PRSS55: variants seen among roughly 807,000 people sequenced by gnomAD.
PRSS55 encodes serine protease 55.
In PRSS55, 41 loss-of-function variants were observed where a neutral mutation model predicts 23.6. That is an observed-to-expected ratio of 1.74 (90% CI 1.35 to 2.26). The LOEUF (loss-of-function observed/expected upper bound fraction) is 2.26, where lower values mean the gene tolerates loss of function less well. Ranked by LOEUF, PRSS55 falls within the 30% of genes most tolerant of loss-of-function variation. The pLI is 0.00. For synonymous variants in PRSS55, 262 were observed against 175.5 expected, an observed-to-expected ratio of 1.49 and a Z score of -3.90; for missense variants, 669 against 439.1, an observed-to-expected ratio of 1.52 and a Z score of -4.68.
At chr8:10,542,419 G>GGAAAGAA (rs60800512), downstream of PRSS55, among the ~76,000 whole-genome samples, 3 of 133,504 alleles carry the variant, frequency 2.2e-5, no homozygotes, top group Non-Finnish European at 3.1e-5. Flanking sequence ...CCATGCGGGG[G>GGAAAGAA]AAAAAAAAAA....
chr8:10,535,868 C>G (rs1213401888), intron 4 of PRSS55, among the ~76,000 whole-genome samples: 2 of 152,092 alleles, frequency 1.3e-5, no homozygotes, highest in African/African-American at 4.8e-5. Flanking sequence ...ACTCAACAAG[C>G]AAAAACTAAA....
chr8:10,544,897 T>A, intron 4 of PRSS55: 1 of 527,688 alleles, frequency 1.9e-6, no homozygotes, highest in Non-Finnish European at 2.4e-6. Context: ...TTATTTAACT[T>A]TATGTCTCAT....
intron 2 of PRSS55, among the ~76,000 whole-genome samples, chr8:10,530,760 G>C (rs1812222872): frequency 6.6e-6 from 1 of 152,176 alleles, no homozygotes; most frequent in Non-Finnish European, 1.5e-5. Flanking sequence ...CATAACCACA[G>C]ACCTTTGTGG....
chr8:10,540,785 G>C (rs945510401), downstream of PRSS55: 1 of 152,174 alleles, frequency 6.6e-6, no homozygotes, highest in Non-Finnish European at 1.5e-5. Context: ...CTCCTCCAGA[G>C]GTCCTACAGC....
intron 4 of PRSS55, chr8:10,545,251 G>A (rs572402028): frequency 2.6e-5 from 4 of 152,070 alleles, no homozygotes; most frequent in African/African-American, 9.7e-5. Context: ...AGGCTGGAGG[G>A]GAATAGTGCA....
intron 4 of PRSS55, among the ~76,000 whole-genome samples, chr8:10,548,909 G>C (rs1019777915): frequency 6.6e-6 from 1 of 152,166 alleles, no homozygotes; most frequent in Non-Finnish European, 1.5e-5. Context: ...AGAGATCAAA[G>C]TCAAAAGCAG....
intron 1 of PRSS55, among the ~76,000 whole-genome samples, chr8:10,529,186 C>T (rs572578465): frequency 6.6e-6 from 1 of 152,232 alleles, no homozygotes; most frequent in Admixed American, 6.5e-5. Flanking sequence ...TAGCCTTGGA[C>T]ACTGTTTTCT....
chr8:10,546,415 G>A (rs1812819085), intron 4 of PRSS55, among the ~76,000 whole-genome samples: 1 of 152,114 alleles, frequency 6.6e-6, no homozygotes, highest in Non-Finnish European at 1.5e-5. Flanking sequence ...ATCCCTCCCT[G>A]CAACAGGATC....
intron 4 of PRSS55, chr8:10,545,104 T>G (rs1812783824): frequency 1.8e-6 from 1 of 563,444 alleles, no homozygotes; most frequent in Admixed American, 6.3e-5. Flanking sequence ...GCTTCGAAAT[T>G]TCCAACTTAT....
chr8:10,533,783 G>A (rs4841370), intron 4 of PRSS55, among the ~76,000 whole-genome samples: 27,173 of 152,104 alleles, frequency 0.18, 2,740 homozygotes, highest in East Asian at 0.33. Flanking sequence ...GGACCTTGTC[G>A]TTGGTATAAA....
At chr8:10,540,449 T>G (rs1254866612), downstream of PRSS55, 1 of 152,318 alleles carries the variant, frequency 6.6e-6, no homozygotes, top group Admixed American at 6.5e-5. Context: ...AGGTGGCTCA[T>G]GCCTGTAATC....
intron 4 of PRSS55, chr8:10,547,725 C>T (rs1475793382): frequency 2.1e-5 from 3 of 140,924 alleles, no homozygotes; most frequent in Non-Finnish European, 4.7e-5. Context: ...TCTCCCCTTC[C>T]CCCACCCCCC....
chr8:10,551,229 G>T (rs1812944426), intron 4 of PRSS55, among the ~76,000 whole-genome samples: 1 of 152,184 alleles, frequency 6.6e-6, no homozygotes, highest in African/African-American at 2.4e-5. Context: ...GGGCACACAG[G>T]ACTTCTTACT....
intron 4 of PRSS55, among the ~76,000 whole-genome samples, chr8:10,536,875 G>T (rs1437784175): frequency 6.6e-6 from 1 of 152,156 alleles, no homozygotes; most frequent in Non-Finnish European, 1.5e-5. Flanking sequence ...AAGGTAGAGG[G>T]TATGAAGAGG....
downstream of PRSS55, chr8:10,541,177 A>G (rs1563545493): frequency 6.6e-6 from 1 of 152,342 alleles, no homozygotes; most frequent in Non-Finnish European, 1.5e-5. Flanking sequence ...GGGACTCCCA[A>G]CATGGTAGGG....
At chr8:10,549,740 G>A (rs1442235588) in intron 4 of PRSS55, among the ~76,000 whole-genome samples, 1 of 152,156 alleles carries the variant, frequency 6.6e-6, no homozygotes, top group Non-Finnish European at 1.5e-5. Flanking sequence ...GAGAAAGACG[G>A]AGTGCTTGGG....
intron 3 of PRSS55, among the ~76,000 whole-genome samples, chr8:10,532,480 TAA>T (rs1812303443): frequency 6.6e-6 from 1 of 152,176 alleles, no homozygotes; most frequent in African/African-American, 2.4e-5. Flanking sequence ...GCTGAGGACC[TAA>T]AGTTTTTTCA....
chr8:10,553,006 G>A (rs2117089869), intron 4 of PRSS55, among the ~76,000 whole-genome samples: 1 of 152,350 alleles, frequency 6.6e-6, no homozygotes, highest in Non-Finnish European at 1.5e-5. Context: ...GACATGAGAT[G>A]TGGTTTAGTT....
chr8:10,546,331 T>C (rs1258329408), intron 4 of PRSS55, among the ~76,000 whole-genome samples: 2 of 152,140 alleles, frequency 1.3e-5, no homozygotes, highest in Non-Finnish European at 1.5e-5. Context: ...AGACAAAGCT[T>C]AGCCGCATGA....
Sources: gnomAD v4.1 joint callset for allele counts (sites outside exome capture counted in the v4.1 genomes callset) on GRCh38, gnomAD v4.1.1 for gene constraint, MANE v1.5 for transcripts, NCBI Gene and HGNC (gene_info 2026-07-23, HGNC 2026-07-21) for gene names.